PLCL1: variants seen among roughly 807,000 people sequenced by gnomAD.
PLCL1 encodes the protein phospholipase C like 1 (inactive).
Under a neutral mutation model 84.4 loss-of-function variants are expected in PLCL1, and 41 were observed. That is an observed-to-expected ratio of 0.49 (90% confidence interval 0.38 to 0.63). PLCL1 has a LOEUF of 0.63. Among genes scored for constraint, PLCL1 ranks in the 30% least tolerant of loss-of-function variants. The probability of loss-of-function intolerance (pLI) is 0.00; values close to 1 mark genes in which losing one functional copy is unlikely to be tolerated. For missense variants in PLCL1, 1,206 were observed against 1,367.8 expected (o/e 0.88, Z 1.87); for synonymous variants, 490 against 488.3 (o/e 1.00, Z -0.05).
chr2:197,820,112 A>G (rs946142589), intron 1 of PLCL1, among the ~76,000 whole-genome samples: 1 of 152,080 alleles, frequency 6.6e-6, no homozygotes, highest in Non-Finnish European at 1.5e-5. Context: ...CCGTTTATTG[A>G]GTTAGGTGCA....
chr2:197,940,923 A>G (rs1238191096), intron 1 of PLCL1, among the ~76,000 whole-genome samples: 1 of 152,242 alleles, frequency 6.6e-6, no homozygotes, highest in African/African-American at 2.4e-5. Context: ...AAATGATGAA[A>G]GTATACAGTC....
chr2:198,033,331 T>C (rs16826872), intron 1 of PLCL1, among the ~76,000 whole-genome samples: 26,520 of 152,014 alleles, frequency 0.17, 2,372 homozygotes, highest in East Asian at 0.26. Context: ...TTTCATCCCT[T>C]ATTGCAGGGA....
At chr2:198,097,025 A>C (rs954402109) in intron 3 of PLCL1, among the ~76,000 whole-genome samples, 1 of 152,232 alleles carries the variant, frequency 6.6e-6, no homozygotes, top group Admixed American at 6.5e-5. Flanking sequence ...AATTGGATTC[A>C]GTCAAAGATA....
At chr2:198,057,790 C>T (rs914504040) in intron 1 of PLCL1, among the ~76,000 whole-genome samples, 9 of 152,278 alleles carry the variant, frequency 5.9e-5, no homozygotes, top group Admixed American at 2.6e-4. Flanking sequence ...TAGTGCTACT[C>T]TTATTAACTA....
intron 1 of PLCL1, among the ~76,000 whole-genome samples, chr2:197,808,151 A>C (rs1188039703): frequency 6.6e-6 from 1 of 152,254 alleles, no homozygotes; most frequent in Middle Eastern, 3.4e-3. Context: ...AAATCTGTCT[A>C]CTTTTTCCTA....
intron 1 of PLCL1, among the ~76,000 whole-genome samples, chr2:197,921,207 G>C (rs1453446349): frequency 1.3e-5 from 2 of 152,166 alleles, no homozygotes; most frequent in East Asian, 3.8e-4. Context: ...ATTATAATCT[G>C]TCATATATGA....
At chr2:197,808,220 G>A (rs552342753) in intron 1 of PLCL1, among the ~76,000 whole-genome samples, 1 of 152,094 alleles carries the variant, frequency 6.6e-6, no homozygotes, top group Admixed American at 6.5e-5. Context: ...CATGTTTTTT[G>A]GTAAGCGCAT....
intron 1 of PLCL1, among the ~76,000 whole-genome samples, chr2:197,980,117 A>G (rs1690072216): frequency 6.6e-6 from 1 of 152,196 alleles, no homozygotes. Flanking sequence ...GGGAATGCAG[A>G]AAGCGGAAGA....
At chr2:198,083,709 G>T (rs772898371) in intron 1 of PLCL1, 49 bp from the exon 2 acceptor site, 40 of 1,272,390 alleles carry the variant, frequency 3.1e-5, no homozygotes, top group Non-Finnish European at 4.3e-5. Flanking sequence ...TACTGAATTT[G>T]TCTGTTTTCT....
At chr2:197,812,959 T>A (rs187134496) in intron 1 of PLCL1, among the ~76,000 whole-genome samples, 98 of 152,238 alleles carry the variant, frequency 6.4e-4, no homozygotes, top group Middle Eastern at 3.4e-3. Context: ...ATAACCTGTA[T>A]ACTTAAAGCC....
chr2:197,935,116 G>A (rs568552807), intron 1 of PLCL1, among the ~76,000 whole-genome samples: 10 of 152,206 alleles, frequency 6.6e-5, no homozygotes, highest in Admixed American at 6.5e-4. Context: ...TGGCTGTTAT[G>A]AAAAAGTAAA....
chr2:198,101,208 C>A, intron 3 of PLCL1, 77 bp from the exon 4 acceptor site: 1 of 818,416 alleles, frequency 1.2e-6, no homozygotes. Flanking sequence ...TCATGTGGGT[C>A]TCTCTGTATG....
chr2:198,052,855 G>A (rs770232706), intron 1 of PLCL1, among the ~76,000 whole-genome samples: 12 of 152,082 alleles, frequency 7.9e-5, no homozygotes, highest in Admixed American at 1.3e-4. Flanking sequence ...ATAAAATGAG[G>A]TACCTCCCCC....
At chr2:197,965,944 T>A (rs1433158437) in intron 1 of PLCL1, among the ~76,000 whole-genome samples, 1 of 152,102 alleles carries the variant, frequency 6.6e-6, no homozygotes, top group Non-Finnish European at 1.5e-5. Context: ...ACTACCTGGC[T>A]ACCACTCTTG....
intron 1 of PLCL1, among the ~76,000 whole-genome samples, chr2:198,062,803 A>T (rs185631508): frequency 2.0e-5 from 3 of 152,264 alleles, no homozygotes; most frequent in East Asian, 3.9e-4. Flanking sequence ...GAACCTGGGA[A>T]TATACTAAGT....
At chr2:198,048,455 A>C (rs1691855806) in intron 1 of PLCL1, among the ~76,000 whole-genome samples, 1 of 152,208 alleles carries the variant, frequency 6.6e-6, no homozygotes, top group South Asian at 2.1e-4. Flanking sequence ...TATAAGGAAA[A>C]GAGGATTGAC....
intron 1 of PLCL1, among the ~76,000 whole-genome samples, chr2:197,891,320 C>G (rs948331975): frequency 2.0e-5 from 3 of 152,176 alleles, no homozygotes; most frequent in African/African-American, 7.2e-5. Context: ...ATGAGACAGT[C>G]TTAAAGCATA....
At chr2:197,889,064 G>A (rs539907415) in intron 1 of PLCL1, among the ~76,000 whole-genome samples, 11 of 152,250 alleles carry the variant, frequency 7.2e-5, no homozygotes, top group Middle Eastern at 3.4e-3. Context: ...TATGTGTAAA[G>A]TGAATGTGTA....
At chr2:197,892,672 A>C (rs895764581) in intron 1 of PLCL1, among the ~76,000 whole-genome samples, 2 of 152,152 alleles carry the variant, frequency 1.3e-5, no homozygotes, top group African/African-American at 4.8e-5. Context: ...ATGAGTATTT[A>C]TGTAATTAAT....
Sources: allele counts gnomAD v4.1 joint callset (sites outside exome capture counted in the v4.1 genomes callset), GRCh38; gene constraint gnomAD v4.1.1; transcripts MANE v1.5; gene names NCBI Gene and HGNC (gene_info 2026-07-23, HGNC 2026-07-21).